HDLBP: variants seen among roughly 807,000 people sequenced by gnomAD.
HDLBP encodes high density lipoprotein binding protein.
HDLBP carries 30 observed loss-of-function variants against 137.3 expected under a neutral mutation model. The ratio of observed to expected loss-of-function variants is 0.22; its 90% CI spans 0.16 to 0.30. HDLBP has a LOEUF of 0.30. Among genes scored for constraint, HDLBP ranks in the 10% least tolerant of loss-of-function variants. The pLI is 1.00. For synonymous variants in HDLBP, 606 were observed against 596.0 expected (o/e 1.02, Z -0.24); for missense variants, 1,119 against 1,667.3 (o/e 0.67, Z 5.73).
In HDLBP at chr2:241,230,017, G is replaced by T. The variant is rs568277243; in HGVS notation, c.3592-56C>A. 2.5e-6 allele frequency: 4 copies of T among 1,572,374 alleles called. No homozygotes were observed. In the East Asian group the frequency reaches 6.8e-5, roughly 27 times the overall value. On this transcript the variant is annotated intron_variant, in intron 26 of 27. Transcript: ENST00000310931. The surrounding 1 kb of genome is among the most constrained non-coding windows in gnomAD (Gnocchi z 5.0). ...GTCTGCCCAGCACCCCCAGCATCCC[G>T]CCCGCCTGCTCACCCCTGCACCTCG...
chr2:241,241,684 C>T (rs1049006312), intron 17 of HDLBP, among the ~76,000 whole-genome samples: 5 of 149,908 alleles, frequency 3.3e-5, no homozygotes, highest in Admixed American at 2.0e-4. Context: ...AAACCACAGG[C>T]ACTTCCATGT....
intron 1 of HDLBP, among the ~76,000 whole-genome samples, chr2:241,291,407 TAG>T (rs2075009584): frequency 6.6e-6 from 1 of 151,802 alleles, no homozygotes; most frequent in Non-Finnish European, 1.5e-5. Flanking sequence ...CCAACTTGGG[TAG>T]AACAACAGAA....
intron 11 of HDLBP, among the ~76,000 whole-genome samples, chr2:241,251,228 G>A (rs969689488): frequency 4.6e-5 from 7 of 152,070 alleles, no homozygotes; most frequent in Non-Finnish European, 4.4e-5. Flanking sequence ...CAAAATGCTG[G>A]GATTACAGGC....
At position 241,235,262 on chromosome 2, in the gene HDLBP, G is replaced by C; in HGVS notation, c.3010-7C>G. On this transcript the variant is annotated splice_region_variant and splice_polypyrimidine_tract_variant and intron_variant, in intron 22 of 27. Transcript: ENST00000310931. ...CCGGGACATGTATGTTCACCTACGT[G>C]AAGAGGGGGCTGACTTGACGTTCAG... The C allele has an allele frequency of 6.2e-7, 1 of 1,614,180 alleles. No homozygotes were observed. Among genetic ancestry groups the C allele is most frequent in the Non-Finnish European group, 8.5e-7 (1 of 1,180,038 alleles).
rs191314904 is a variant in HDLBP, at chr2:241,312,873, C to G, written c.-103+2697G>C. On this transcript the variant is annotated intron_variant, in intron 1 of 27. Transcript: ENST00000310931. The stretch of plus-strand genomic sequence containing the variant: ...GGACCCGGCACAATCATCTCAAATT[C>G]TGTTCAGGTCAGAGTATCTTAGATA... Among the ~76,000 whole-genome samples the G allele has an allele frequency of 3.3e-5, 5 of 152,332 alleles. No individual in the cohort carries two copies. In the East Asian group the frequency reaches 9.6e-4, roughly 29 times the overall value.
chr2:241,235,984 G>C, intron 21 of HDLBP: 1 of 210,862 alleles, frequency 4.7e-6, no homozygotes, highest in Non-Finnish European at 9.5e-6. Context: ...CTTGGGATCA[G>C]GACGGCTTTG....
chr2:241,247,252 A>C lies in HDLBP; in HGVS notation c.1732-110T>G, dbSNP rs576896713. ...AACACGACAGAGCACTGGTATTTGC[A>C]AACAAACCTTCAGAGGTTTGTCATG... On this transcript the variant is annotated intron_variant, in intron 14 of 27. Transcript: ENST00000310931. The C allele has an allele frequency of 1.1e-4, 78 of 710,998 alleles. 3 individuals carry two copies. The South Asian group carries it at 1.2e-3, about 11-fold the overall frequency. 44.0% of individuals were successfully genotyped at this position (710,998 alleles called of 1,614,324 possible).
intron 24 of HDLBP, among the ~76,000 whole-genome samples, chr2:241,231,994 G>A (rs2069821432): frequency 6.6e-6 from 1 of 152,142 alleles, no homozygotes; most frequent in Non-Finnish European, 1.5e-5. Flanking sequence ...CAAATGCCTG[G>A]AAAGGAAATG....
intron 1 of HDLBP, among the ~76,000 whole-genome samples, chr2:241,281,104 C>T (rs2074580674): frequency 6.6e-6 from 1 of 152,136 alleles, no homozygotes; most frequent in Non-Finnish European, 1.5e-5. Flanking sequence ...GCCTGTAATC[C>T]CAGCACTTTG....
chr2:241,267,933 A>G (rs1305446900), intron 2 of HDLBP: 11 of 985,310 alleles, frequency 1.1e-5, no homozygotes, highest in Non-Finnish European at 1.3e-5. Context: ...CAGCTCCCTT[A>G]TGTGAAAAAT....
chr2:241,229,784 G>GGGCCC, intron 27 of HDLBP, 49 bp downstream of exon 27: 12 of 1,502,494 alleles, frequency 8.0e-6, no homozygotes, highest in African/African-American at 1.4e-5. Context: ...AAGCCCGCCT[G>GGGCCC]CCCGCCCACC....
intron 3 of HDLBP, among the ~76,000 whole-genome samples, 181 bp from the exon 4 acceptor site, chr2:241,264,786 G>A (rs1354105121): frequency 6.6e-6 from 1 of 152,076 alleles, no homozygotes; most frequent in African/African-American, 2.4e-5. Flanking sequence ...AGGTCACCAG[G>A]CCCAGCACCC....
intron 1 of HDLBP, among the ~76,000 whole-genome samples, chr2:241,281,397 T>C (rs2074598391): frequency 6.6e-6 from 1 of 152,120 alleles, no homozygotes; most frequent in Non-Finnish European, 1.5e-5. Flanking sequence ...GGCACGTGCC[T>C]GTAATCCCAG....
At chr2:241,280,110 C>G in intron 1 of HDLBP, 1 of 985,290 alleles carries the variant, frequency 1.0e-6, no homozygotes, top group South Asian at 4.7e-5. Context: ...GGGATGGGAG[C>G]TAAGTTTAGC....
chr2:241,294,542 C>T (rs1447821619), intron 1 of HDLBP, among the ~76,000 whole-genome samples: 1 of 152,154 alleles, frequency 6.6e-6, no homozygotes, highest in South Asian at 2.1e-4. Flanking sequence ...TCACTGTAGC[C>T]TTGAACTCCT....
intron 1 of HDLBP, among the ~76,000 whole-genome samples, chr2:241,288,557 T>C (rs2074909525): frequency 6.6e-6 from 1 of 152,238 alleles, no homozygotes; most frequent in South Asian, 2.1e-4. Context: ...TTAACTTACA[T>C]GACTCCTTAG....
chr2:241,246,542 T>C, intron 16 of HDLBP: 1 of 507,414 alleles, frequency 2.0e-6, no homozygotes, highest in Non-Finnish European at 3.5e-6. Flanking sequence ...CGTCAAATGT[T>C]ACTGCTGCAG....
chr2:241,259,572 T>C (rs2072996386), intron 5 of HDLBP, among the ~76,000 whole-genome samples: 1 of 152,114 alleles, frequency 6.6e-6, no homozygotes, highest in Non-Finnish European at 1.5e-5. Context: ...CACAGAAGCC[T>C]CCACATCCCA....
rs529543779 is a variant in HDLBP at position 241,312,533 on chromosome 2, G to T, written c.-103+3037C>A. ...GCATTCTGACACATTATACTGGTTG[G>T]GGTTCTCTGCTTTTCTACTTGGTCA... On this transcript the variant is annotated intron_variant, in intron 1 of 27. Coordinates refer to ENST00000310931, the MANE Select transcript of HDLBP (RefSeq NM_005336.6). Among the ~76,000 whole-genome samples, 24 of 152,246 alleles carry T rather than the reference G, an allele frequency of 1.6e-4. No individual in the cohort carries two copies. The South Asian group carries it at 4.4e-3, about 28-fold the overall frequency.
Sources: allele counts gnomAD v4.1 joint callset (sites outside exome capture counted in the v4.1 genomes callset), GRCh38; gene constraint gnomAD v4.1.1; non-coding constraint Gnocchi (gnomAD v3.1); transcripts MANE v1.5; gene names NCBI Gene and HGNC (gene_info 2026-07-23, HGNC 2026-07-21).